CD244: variants seen among roughly 807,000 people sequenced by gnomAD.
CD244 encodes the protein natural killer cell receptor 2B4.
In CD244, 20 loss-of-function variants were observed where a neutral mutation model predicts 45.5. The ratio of observed to expected loss-of-function variants is 0.44; its 90% CI spans 0.31 to 0.64. The LOEUF (loss-of-function observed/expected upper bound fraction) is 0.64. Among genes scored for constraint, CD244 ranks in the 30% least tolerant of loss-of-function variants. CD244 has a pLI of 0.08. For missense variants in CD244, 407 were observed against 426.9 expected (o/e 0.95, Z 0.41); for synonymous variants, 185 against 160.5 (o/e 1.15, Z -1.15).
chr1:160,847,192 T>C (rs7553826), intron 1 of CD244, among the ~76,000 whole-genome samples: 6,863 of 152,026 alleles, frequency 0.045, 496 homozygotes, highest in African/African-American at 0.15. Flanking sequence ...ATATAACAAG[T>C]TTAAAATATA....
At chr1:160,836,128 G>T in intron 6 of CD244, 67 bp downstream of exon 6, 1 of 1,193,878 alleles carries the variant, frequency 8.4e-7, no homozygotes, top group Non-Finnish European at 1.3e-6. Flanking sequence ...AATGGTGTGA[G>T]TTTCAGGGGG....
intron 5 of CD244, 57 bp from the exon 6 acceptor site, chr1:160,836,311 A>G: frequency 2.9e-6 from 4 of 1,375,428 alleles, no homozygotes; most frequent in Non-Finnish European, 4.1e-6. Flanking sequence ...GTCCAGATTT[A>G]GATTGAGTGG....
intron 1 of CD244, among the ~76,000 whole-genome samples, chr1:160,860,856 T>G (rs1348263656): frequency 6.6e-6 from 1 of 152,224 alleles, no homozygotes; most frequent in Non-Finnish European, 1.5e-5. Flanking sequence ...AGTCAACTTA[T>G]GCCAGGCCTG....
chr1:160,858,362 C>A lies in CD244; in HGVS notation c.61+4255G>T, dbSNP rs1012189491. Among the ~76,000 whole-genome samples the A allele has an allele frequency of 2.0e-5, 3 of 152,308 alleles. No individual in the cohort carries two copies. The East Asian group carries it at 5.8e-4, about 29-fold the overall frequency. The stretch of plus-strand genomic sequence containing the variant: ...GTTCCAACACAATCTACGCAAACAG[C>A]TGGCAACCCTTGGAGCTAATCTATA... On this transcript the variant is annotated intron_variant, in intron 1 of 8. Coordinates refer to ENST00000368034, the MANE Select transcript of CD244 (RefSeq NM_016382.4).
At chr1:160,853,782 TAAAAAA>T (rs5778184) in intron 1 of CD244, among the ~76,000 whole-genome samples, 2 of 94,724 alleles carry the variant, frequency 2.1e-5, no homozygotes, top group Middle Eastern at 6.0e-3. Context: ...AGACCCTGCC[TAAAAAA>T]AAAAAAAAAA....
intron 1 of CD244, among the ~76,000 whole-genome samples, chr1:160,851,550 A>G (rs1385062407): frequency 6.6e-6 from 1 of 152,212 alleles, no homozygotes; most frequent in African/African-American, 2.4e-5. Context: ...TTTAAAACAA[A>G]TCATAAATTT....
Position 160,836,421 on chromosome 1 carries a change from A to G in CD244, c.835-167T>C, listed in dbSNP as rs572888747. Among the ~76,000 whole-genome samples, 5 of 152,218 alleles carry G rather than the reference A, an allele frequency of 3.3e-5. No homozygotes were observed. In the South Asian group the frequency reaches 8.3e-4, roughly 25 times the overall value. On this transcript the variant is annotated intron_variant, in intron 5 of 8. Transcript: ENST00000368034. ...CCTCCCAAGATGGGAAGAGACAGGA[A>G]GAAGAGCAGTTTGGAGTGGAACCAT...
intron 1 of CD244, among the ~76,000 whole-genome samples, chr1:160,842,746 T>A (rs1464091112): frequency 6.6e-6 from 1 of 152,140 alleles, no homozygotes; most frequent in African/African-American, 2.4e-5. Flanking sequence ...AAAACAATTT[T>A]AAAAATAAAA....
intron 1 of CD244, among the ~76,000 whole-genome samples, chr1:160,861,745 G>T (rs1670313685): frequency 6.6e-6 from 1 of 152,122 alleles, no homozygotes; most frequent in African/African-American, 2.4e-5. Context: ...GCTGAGGCAT[G>T]AGAATCACTT....
chr1:160,832,528 G>A lies in CD244; in HGVS notation c.1008C>T (p.Ile336=). The change falls in exon 8 of 9, where the codon ATC becomes ATT. Residue 336 remains isoleucine (I), a synonymous_variant. Coordinates refer to ENST00000368034, the MANE Select transcript of CD244 (RefSeq NM_016382.4). ...AGTTCCAGAATCTTACCACTTCATA[G>A]ATAGTGCTATTGAAGGAAGGGCTGT... The part of the protein sequence containing the change: ...RNHSPSFNST[I]YEVIGKSQPK... 4 of 1,601,184 alleles carry A rather than the reference G, an allele frequency of 2.5e-6. 1 individual carries two copies. In the East Asian group the frequency reaches 6.7e-5, roughly 27 times the overall value.
In CD244 at chr1:160,841,820, AC is replaced by A. The variant is rs759658844; in HGVS notation, c.142del (p.Val48LeufsTer20). On this transcript the variant is annotated frameshift_variant, in exon 2 of 9. Transcript: ENST00000368034. LOFTEE classifies it high-confidence loss of function. ...QLQPNSIQTK[V>X]DSIAWKKLLP... The stretch of plus-strand genomic sequence containing the variant: ...CAACTTCTTCCATGCAATGCTGTCA[AC>A]CTTCGTCTGTATGCTGTTTGGTTGT... 6.2e-7 allele frequency: 1 copy of A among 1,614,190 alleles called. No homozygotes were observed. The highest frequency in any genetic ancestry group is 8.5e-7 in the Non-Finnish European group (1 of 1,180,022).
chr1:160,834,449 G>A (rs1669254699), intron 6 of CD244, among the ~76,000 whole-genome samples: 1 of 152,176 alleles, frequency 6.6e-6, no homozygotes, highest in African/African-American at 2.4e-5. Flanking sequence ...TCTGCCTCCT[G>A]GGTTCAGGCA....
intron 1 of CD244, among the ~76,000 whole-genome samples, chr1:160,856,609 C>T (rs1486294042): frequency 6.6e-6 from 1 of 152,180 alleles, no homozygotes. Context: ...CTGTTAATGA[C>T]ACATAGCATT....
chr1:160,841,097 A>C, intron 3 of CD244, 113 bp downstream of exon 3: 1 of 1,017,558 alleles, frequency 9.8e-7, no homozygotes, highest in Non-Finnish European at 1.5e-6. Flanking sequence ...GCTACAAGGC[A>C]CTGGGAGAGG....
intron 1 of CD244, among the ~76,000 whole-genome samples, chr1:160,855,824 G>A (rs181668340): frequency 1.6e-4 from 24 of 152,312 alleles, no homozygotes; most frequent in African/African-American, 5.5e-4. Flanking sequence ...TGCAGCCTCA[G>A]GAAGAACAGA....
chr1:160,841,924 A>C, intron 1 of CD244, 23 bp from the exon 2 acceptor site: 1 of 1,607,878 alleles, frequency 6.2e-7, no homozygotes, highest in East Asian at 2.2e-5. Flanking sequence ...ACCCAAGCTG[A>C]AAGTAGCGGG....
chr1:160,856,703 C>G (rs1670119011), intron 1 of CD244, among the ~76,000 whole-genome samples: 1 of 152,142 alleles, frequency 6.6e-6, no homozygotes, highest in African/African-American at 2.4e-5. Flanking sequence ...ACATCTGTTT[C>G]ATCTTTGTTT....
At chr1:160,832,648 T>C (rs769950735) in intron 7 of CD244, 73 bp from the exon 8 acceptor site, 29 of 1,599,494 alleles carry the variant, frequency 1.8e-5, no homozygotes, top group Non-Finnish European at 8.5e-7. Context: ...ATGTGAGAGG[T>C]CCCAAAAGAG....
At chr1:160,835,764 G>T (rs975350996) in intron 6 of CD244, among the ~76,000 whole-genome samples, 1 of 152,092 alleles carries the variant, frequency 6.6e-6, no homozygotes, top group Non-Finnish European at 1.5e-5. Flanking sequence ...AAAAGAAAAT[G>T]GACATTATTG....
Sources: gnomAD v4.1 joint callset for allele counts (sites outside exome capture counted in the v4.1 genomes callset) on GRCh38, gnomAD v4.1.1 for gene constraint, MANE v1.5 for transcripts, NCBI Gene and HGNC (gene_info 2026-07-23, HGNC 2026-07-21) for gene names.